Variants in RALGPS1 observed in about 807,000 individuals in gnomAD.
RALGPS1 encodes the protein ras-specific guanine nucleotide-releasing factor RalGPS1.
Under a neutral mutation model 78.8 loss-of-function variants are expected in RALGPS1, and 19 were observed. The ratio of observed to expected loss-of-function variants is 0.24; its 90% CI spans 0.17 to 0.35. The LOEUF (loss-of-function observed/expected upper bound fraction) is 0.35, where lower values mean the gene tolerates loss of function less well. RALGPS1 is among the 10% of genes least tolerant of loss of function. The probability of loss-of-function intolerance (pLI) is 1.00; values close to 1 mark genes in which losing one functional copy is unlikely to be tolerated. For synonymous variants in RALGPS1, 228 were observed against 256.3 expected, an observed-to-expected ratio of 0.89 and a Z score of 1.06; for missense variants, 454 against 688.3, an observed-to-expected ratio of 0.66 and a Z score of 3.81.
chr9:127,124,133 C>T (rs779977232), intron 8 of RALGPS1, among the ~76,000 whole-genome samples: 1 of 152,138 alleles, frequency 6.6e-6, no homozygotes, highest in Non-Finnish European at 1.5e-5. Context: ...ACCCATGGAG[C>T]GGTGAGGTCC....
In RALGPS1 at chr9:127,002,197, C is replaced by G. The variant is rs58555298; in HGVS notation, c.216+24452C>G. On this transcript the variant is annotated intron_variant, in intron 4 of 18. Transcript: ENST00000259351. ...ATAGGTAGTTTTGTCTGTTTTTGAA[C>G]TTTATATAAATAGAATCATAAAATA... 5.6e-3 allele frequency among the ~76,000 whole-genome samples: 858 copies of G among 152,218 alleles called. 28 individuals are homozygous for G. The East Asian group carries it at 0.081, about 14-fold the overall frequency.
rs548974882 is a variant in RALGPS1 at position 126,960,696 on chromosome 9, C to T, written c.-65-1529C>T. On this transcript the variant is annotated intron_variant, in intron 1 of 18. Transcript: ENST00000259351. Reference sequence around the variant, plus strand: ...GCAATTATCCAGGCAAATCATTTTTCGCAGTGACCTTTGGGCTAGATCTTG... The same window carrying T: ...GCAATTATCCAGGCAAATCATTTTTTGCAGTGACCTTTGGGCTAGATCTTG... Among the ~76,000 whole-genome samples, 13 of 152,268 alleles carry T rather than the reference C, an allele frequency of 8.5e-5. No homozygotes were observed. In the East Asian group the frequency reaches 9.7e-4, roughly 11 times the overall value.
Position 127,179,214 on chromosome 9 carries a change from G to C in RALGPS1, c.910+4432G>C, listed in dbSNP as rs564517210. 8.1e-4 allele frequency among the ~76,000 whole-genome samples: 124 copies of C among 152,336 alleles called. 1 individual carries two copies. The highest frequency in any genetic ancestry group is 2.8e-3 in the African/African-American group (115 of 41,582). On this transcript the variant is annotated intron_variant, in intron 11 of 18. Coordinates refer to ENST00000259351, the MANE Select transcript of RALGPS1 (RefSeq NM_014636.3). ...TCAGCCCTGGAAGCAGGATGTGAAGGTTTTCATTGATCACTAGAGGGTCGA... is the reference window on the plus strand; with the variant it reads ...TCAGCCCTGGAAGCAGGATGTGAAGCTTTTCATTGATCACTAGAGGGTCGA...
chr9:127,041,773 A>G (rs191088147), intron 5 of RALGPS1, among the ~76,000 whole-genome samples: 115 of 152,304 alleles, frequency 7.6e-4, no homozygotes, highest in Non-Finnish European at 1.4e-3. Flanking sequence ...TTTTCAAGCA[A>G]TTGAGGAGTT....
intron 11 of RALGPS1, among the ~76,000 whole-genome samples, chr9:127,192,787 G>A (rs1276588031): frequency 2.6e-5 from 4 of 152,262 alleles, no homozygotes; most frequent in African/African-American, 4.8e-5. Flanking sequence ...GTTAGAGGAA[G>A]AGAAGGATCT....
At chr9:126,968,347 G>T (rs1453538290) in intron 3 of RALGPS1, among the ~76,000 whole-genome samples, 1 of 152,104 alleles carries the variant, frequency 6.6e-6, no homozygotes, top group South Asian at 2.1e-4. Context: ...CATATCATTT[G>T]CTCCCAATTT....
intron 8 of RALGPS1, chr9:127,088,362 A>C (rs557692235): frequency 6.5e-6 from 1 of 152,706 alleles, no homozygotes; most frequent in Non-Finnish European, 1.5e-5. Context: ...CCAGGCACAC[A>C]GATGCCAAGG....
intron 1 of RALGPS1, among the ~76,000 whole-genome samples, chr9:126,931,043 G>A (rs569569199): frequency 2.0e-5 from 3 of 152,366 alleles, no homozygotes; most frequent in African/African-American, 7.2e-5. Flanking sequence ...TTAGGCCAGA[G>A]TAGGTATGGA....
At chr9:126,991,924 AGTAT>A (rs1183602238) in intron 4 of RALGPS1, among the ~76,000 whole-genome samples, 1 of 152,244 alleles carries the variant, frequency 6.6e-6, no homozygotes, top group Non-Finnish European at 1.5e-5. Context: ...TGGGCTCAGC[AGTAT>A]GTAAAGCTTC....
intron 8 of RALGPS1, among the ~76,000 whole-genome samples, chr9:127,164,557 T>TC (rs571562563): frequency 9.8e-6 from 1 of 101,678 alleles, no homozygotes; most frequent in African/African-American, 4.4e-5. Context: ...TTTTTTTTTT[T>TC]GAGACAGAGT....
intron 7 of RALGPS1, among the ~76,000 whole-genome samples, chr9:127,064,862 G>C (rs971595169): frequency 4.0e-5 from 6 of 150,752 alleles, no homozygotes; most frequent in African/African-American, 1.2e-4. Context: ...CATTTCCCTG[G>C]ATTTATTTAT....
At chr9:127,097,925 G>A (rs1239492998) in intron 8 of RALGPS1, among the ~76,000 whole-genome samples, 1 of 152,174 alleles carries the variant, frequency 6.6e-6, no homozygotes, top group Admixed American at 6.5e-5. Flanking sequence ...GAAATGGGAA[G>A]AGACCATAGC....
intron 8 of RALGPS1, among the ~76,000 whole-genome samples, chr9:127,075,661 G>A (rs1260094851): frequency 6.6e-6 from 1 of 152,232 alleles, no homozygotes; most frequent in Non-Finnish European, 1.5e-5. Context: ...GGTGAGAGGA[G>A]GCTGTTTTTC....
intron 4 of RALGPS1, among the ~76,000 whole-genome samples, chr9:127,020,927 G>A (rs891005070): frequency 6.6e-6 from 1 of 152,102 alleles, no homozygotes; most frequent in Non-Finnish European, 1.5e-5. Flanking sequence ...ATTTCATAGG[G>A]GTGTTGTGAG....
At chr9:126,979,211 C>T (rs2040978952) in intron 4 of RALGPS1, among the ~76,000 whole-genome samples, 1 of 150,338 alleles carries the variant, frequency 6.7e-6, no homozygotes, top group Admixed American at 6.6e-5. Context: ...TATGTGAAGA[C>T]GTGGCAGTTA....
intron 5 of RALGPS1, among the ~76,000 whole-genome samples, chr9:127,043,553 G>A (rs2047501653): frequency 6.6e-6 from 1 of 152,100 alleles, no homozygotes; most frequent in African/African-American, 2.4e-5. Context: ...ATTTGTTAAT[G>A]AGTTATCAGA....
intron 8 of RALGPS1, among the ~76,000 whole-genome samples, chr9:127,101,916 T>A (rs1349601508): frequency 2.0e-5 from 3 of 152,318 alleles, no homozygotes; most frequent in East Asian, 1.9e-4. Flanking sequence ...TATTTTTTTT[T>A]AAACAAAGGA....
chr9:127,132,460 G>A (rs1209039013), intron 8 of RALGPS1, among the ~76,000 whole-genome samples: 1 of 152,216 alleles, frequency 6.6e-6, no homozygotes, highest in Non-Finnish European at 1.5e-5. Context: ...TGGAATTTTA[G>A]GTTCATTGAC....
At chr9:127,168,380 A>G (rs940222756) in intron 9 of RALGPS1, among the ~76,000 whole-genome samples, 2 of 152,152 alleles carry the variant, frequency 1.3e-5, no homozygotes, top group East Asian at 1.9e-4. Context: ...CCAGTCCCTG[A>G]TATCTGAGTG....
Sources: gnomAD v4.1 joint callset for allele counts (sites outside exome capture counted in the v4.1 genomes callset) on GRCh38, gnomAD v4.1.1 for gene constraint, MANE v1.5 for transcripts, NCBI Gene and HGNC (gene_info 2026-07-23, HGNC 2026-07-21) for gene names.